The following RREB1 variants were observed in gnomAD, a reference collection of about 807,000 sequenced individuals.
RREB1 encodes the protein ras responsive element binding protein 1.
Under a neutral mutation model 117.8 loss-of-function variants are expected in RREB1, and 27 were observed. That is an observed-to-expected ratio of 0.23 (90% confidence interval 0.17 to 0.32). The LOEUF (loss-of-function observed/expected upper bound fraction) is 0.32. Ranked by LOEUF, RREB1 falls within the 10% of genes least tolerant of loss-of-function variation. RREB1 has a pLI of 1.00. For missense variants in RREB1, 2,577 were observed against 2,378.2 expected (o/e 1.08, Z -1.74); for synonymous variants, 1,298 against 1,026.7 (o/e 1.26, Z -5.05).
At chr6:7,241,059 G>A (rs973967942) in intron 11 of RREB1, among the ~76,000 whole-genome samples, 38 of 152,144 alleles carry the variant, frequency 2.5e-4, no homozygotes, top group South Asian at 8.3e-4. Flanking sequence ...TTGTAGGAAC[G>A]AGGGGTGCGG....
rs1404880108 is a variant in RREB1, at chr6:7,249,510, TTTTTC to T, written c.*546_*550del. Reference sequence around the variant, plus strand: ...TAATTTCTTAAATAGACATTTTCCTTTTTTCTTTGTGCTTCATGGTGGAGCTGTCA... The same window carrying T: ...TAATTTCTTAAATAGACATTTTCCTTTTTGTGCTTCATGGTGGAGCTGTCA... On this transcript the variant is annotated 3_prime_UTR_variant, in exon 13 of 13. Transcript: ENST00000379938. 1.3e-5 allele frequency: 2 copies of T among 152,806 alleles called. No individual in the cohort carries two copies. The highest frequency in any genetic ancestry group is 2.4e-5 in the African/African-American group (1 of 41,450). The allele number at this position is 152,806 out of a possible 1,614,324, so 9.5% of individuals were successfully genotyped here.
At position 7,229,666 on chromosome 6, in the gene RREB1, A is replaced by G; in HGVS notation, c.1567A>G (p.Thr523Ala). ...VTPRTVVATS[T>A]PPPLINAQQA... ...ACCACGGACGGTGGTGGCCACCTCC[A>G]CGCCCCCGCCTCTCATCAACGCCCA... The change falls in exon 10 of 13, where the codon ACG (threonine) becomes GCG (alanine). Residue 523 changes from threonine (T) to alanine (A), a missense_variant. Transcript: ENST00000379938. The surrounding 1 kb of genome is among the most constrained non-coding windows in gnomAD (Gnocchi z 4.5). 6.2e-7 allele frequency: 1 copy of G among 1,610,118 alleles called. No individual in the cohort carries two copies. The highest frequency in any genetic ancestry group is 8.5e-7 in the Non-Finnish European group (1 of 1,178,638).
At chr6:7,160,607 T>C (rs957057926) in intron 1 of RREB1, among the ~76,000 whole-genome samples, 2 of 152,098 alleles carry the variant, frequency 1.3e-5, no homozygotes, top group Non-Finnish European at 2.9e-5. Context: ...CCTCCTGAGC[T>C]CAAACAATCC....
chr6:7,230,323 G>A lies in RREB1; in HGVS notation c.2224G>A (p.Ala742Thr). The A allele has an allele frequency of 6.3e-7, 1 of 1,588,606 alleles. No individual in the cohort carries two copies. Among genetic ancestry groups the A allele is most frequent in the Non-Finnish European group, 8.5e-7 (1 of 1,172,496 alleles). ...KNIEYVSSSA[A>T]ELVDAFCAPD... The stretch of plus-strand genomic sequence containing the variant: ...CATCGAGTATGTGAGTAGCAGCGCG[G>A]CCGAGCTGGTGGACGCCTTCTGCGC... Residue 742 changes from alanine to threonine, a missense_variant, in exon 10 of 13, where the codon GCC (alanine) becomes ACC (threonine). Transcript: ENST00000379938.
At chr6:7,209,315 A>G (rs1766452256) in intron 6 of RREB1, among the ~76,000 whole-genome samples, 1 of 152,192 alleles carries the variant, frequency 6.6e-6, no homozygotes, top group Non-Finnish European at 1.5e-5. Flanking sequence ...GCTAGTTTAC[A>G]TCTCTTATAC....
chr6:7,229,271 T>C lies in RREB1; in HGVS notation c.1172T>C (p.Ile391Thr), dbSNP rs1331908438. ...EEPLPDDNQAIQLQTLKCQLP... is the reference protein window; with the variant it reads ...EEPLPDDNQATQLQTLKCQLP... ...CCCCTGCCGGATGACAACCAGGCAATTCAGCTCCAGACACTCAAGTGTCAG... is the reference window on the plus strand; with the variant it reads ...CCCCTGCCGGATGACAACCAGGCAACTCAGCTCCAGACACTCAAGTGTCAG... The change falls in exon 10 of 13, where the codon ATT (isoleucine) becomes ACT (threonine). Residue 391 changes from isoleucine to threonine, a missense_variant. Ile to Thr is a moderately conservative substitution (Grantham distance 89). Coordinates refer to ENST00000379938, the MANE Select transcript of RREB1 (RefSeq NM_001003699.4). This position sits in a 1 kb window ranked among gnomAD's most constrained non-coding sequence, Gnocchi z 4.5. The C allele has an allele frequency of 1.2e-6, 2 of 1,614,076 alleles. No individual in the cohort carries two copies. Among genetic ancestry groups the C allele is most frequent in the Non-Finnish European group, 1.7e-6 (2 of 1,180,002 alleles).
Position 7,211,636 on chromosome 6 carries a change from G to A in RREB1, c.634G>A (p.Val212Ile), listed in dbSNP as rs1766609298. 2 of 1,613,996 alleles carry A rather than the reference G, an allele frequency of 1.2e-6. No individual in the cohort carries two copies. Among genetic ancestry groups the A allele is most frequent in the Non-Finnish European group, 1.7e-6 (2 of 1,179,846 alleles). The change falls in exon 8 of 13, where the codon GTA (valine) becomes ATA (isoleucine). Residue 212 changes from valine (V) to isoleucine (I), a missense_variant. Transcript: ENST00000379938. Reference sequence around the variant, plus strand: ...AGCTGATGAAGTCTTTCACTGCCCAGTATGTTTCAAGGAGTTTGTTTGCAA... The same window carrying A: ...AGCTGATGAAGTCTTTCACTGCCCAATATGTTTCAAGGAGTTTGTTTGCAA... Reference protein sequence around the residue: ...KKADEVFHCPVCFKEFVCKYG... With the variant: ...KKADEVFHCPICFKEFVCKYG...
chr6:7,145,920 A>T (rs1473149041), intron 1 of RREB1, among the ~76,000 whole-genome samples: 1 of 151,952 alleles, frequency 6.6e-6, no homozygotes, highest in Non-Finnish European at 1.5e-5. Flanking sequence ...AGTTAACAGA[A>T]CATACCGCAG....
chr6:7,205,517 T>C (rs1328501816), intron 6 of RREB1, among the ~76,000 whole-genome samples: 1 of 152,236 alleles, frequency 6.6e-6, no homozygotes, highest in Non-Finnish European at 1.5e-5. Context: ...CTACACCATC[T>C]TTCCACCCAG....
chr6:7,186,012 G>T (rs1765061880), intron 4 of RREB1, among the ~76,000 whole-genome samples: 1 of 152,296 alleles, frequency 6.6e-6, no homozygotes, highest in Admixed American at 6.5e-5. Context: ...ATAGAGTTTA[G>T]CACATGGTAA....
At chr6:7,122,898 C>T (rs183620010) in intron 1 of RREB1, among the ~76,000 whole-genome samples, 6 of 152,104 alleles carry the variant, frequency 3.9e-5, no homozygotes, top group African/African-American at 1.4e-4. Context: ...TTTCTGCTGA[C>T]AAGCATGTAT....
At chr6:7,237,114 C>G (rs1768381110) in intron 10 of RREB1, among the ~76,000 whole-genome samples, 1 of 151,776 alleles carries the variant, frequency 6.6e-6, no homozygotes, top group Admixed American at 6.6e-5. Context: ...GAGACAAATT[C>G]TTGCTCTGTA....
At chr6:7,119,606 A>C (rs1168765385) in intron 1 of RREB1, among the ~76,000 whole-genome samples, 1 of 152,200 alleles carries the variant, frequency 6.6e-6, no homozygotes, top group Non-Finnish European at 1.5e-5. Flanking sequence ...GAAAATGAGA[A>C]AAGCACAGTG....
chr6:7,157,786 T>TAC (rs1298869848), intron 1 of RREB1, among the ~76,000 whole-genome samples: 2 of 152,046 alleles, frequency 1.3e-5, no homozygotes, highest in East Asian at 3.9e-4. Flanking sequence ...AAATCCAACT[T>TAC]ACGAGTTCTC....
At chr6:7,172,990 A>G (rs1764299662) in intron 1 of RREB1, among the ~76,000 whole-genome samples, 1 of 152,118 alleles carries the variant, frequency 6.6e-6, no homozygotes, top group Admixed American at 6.6e-5. Flanking sequence ...GGCTCAGACC[A>G]TTTTAGTGTC....
intron 8 of RREB1, chr6:7,219,026 T>TC (rs1767076149): frequency 7.6e-6 from 1 of 131,178 alleles, no homozygotes; most frequent in Non-Finnish European, 1.5e-5. Flanking sequence ...AGCAAGGGGA[T>TC]CGCTTGAGGT....
chr6:7,230,944 G>A lies in RREB1; in HGVS notation c.2845G>A (p.Asp949Asn). Residue 949 changes from aspartate (D) to asparagine (N), a missense_variant, in exon 10 of 13, where the codon GAT (aspartate) becomes AAT (asparagine). By Grantham distance (23) the Asp-to-Asn change is conservative. Coordinates refer to ENST00000379938, the MANE Select transcript of RREB1 (RefSeq NM_001003699.4). ...IPKNFRKGDKDLATPSEAKKP... is the reference protein window; with the variant it reads ...IPKNFRKGDKNLATPSEAKKP... ...CAAGAACTTCAGGAAAGGGGACAAG[G>A]ATTTGGCCACTCCCAGCGAAGCCAA... The A allele has an allele frequency of 6.2e-7, 1 of 1,614,022 alleles. No homozygotes were observed. Among genetic ancestry groups the A allele is most frequent in the Non-Finnish European group, 8.5e-7 (1 of 1,179,936 alleles).
Position 7,211,698 on chromosome 6 carries a change from T to C in RREB1, c.696T>C (p.Asp232=). Residue 232 remains aspartate (D), a synonymous_variant, in exon 8 of 13, where the codon GAT becomes GAC. Transcript: ENST00000379938. ...GLETHMETHS[D]NPLRCDICCV... ...AGACCCACATGGAGACCCATTCAGA[T>C]AACCCACTAAGGTAGGAGAAAGAGT... is the stretch of plus-strand genomic sequence containing the variant. 7.4e-6 allele frequency: 12 copies of C among 1,614,158 alleles called. No homozygotes were observed. The highest frequency in any genetic ancestry group is 1.0e-5 in the Non-Finnish European group (12 of 1,179,970).
chr6:7,181,981 G>C lies in RREB1; in HGVS notation c.70G>C (p.Val24Leu). ...TTCCATCAACACCATGATGTCGGCG[G>C]TCATGAGTGTAGGGAAGGTCACAGA... ...LSSINTMMSAVMSVGKVTENG... is the reference protein window; with the variant it reads ...LSSINTMMSALMSVGKVTENG... The change falls in exon 4 of 13, where the codon GTC (valine) becomes CTC (leucine). Residue 24 changes from valine to leucine, a missense_variant. Coordinates refer to ENST00000379938, the MANE Select transcript of RREB1 (RefSeq NM_001003699.4). The C allele has an allele frequency of 6.2e-7, 1 of 1,614,198 alleles. No individual in the cohort carries two copies. Among genetic ancestry groups the C allele is most frequent in the Admixed American group, 1.7e-5 (1 of 60,028 alleles).
Sources: allele counts gnomAD v4.1 joint callset (sites outside exome capture counted in the v4.1 genomes callset), GRCh38; gene constraint gnomAD v4.1.1; non-coding constraint Gnocchi (gnomAD v3.1); transcripts MANE v1.5; gene names NCBI Gene and HGNC (gene_info 2026-07-23, HGNC 2026-07-21).